Variants in LPIN1 observed in about 807,000 individuals in gnomAD.
LPIN1 encodes the protein lipin 1, also known as phosphatidate phosphatase LPIN1.
LPIN1 carries 71 observed loss-of-function variants against 107.5 expected under a neutral mutation model. That is an observed-to-expected ratio of 0.66 (90% CI 0.55 to 0.80). The LOEUF (loss-of-function observed/expected upper bound fraction) is 0.80, where lower values mean the gene tolerates loss of function less well. Among genes scored for constraint, LPIN1 ranks in the 30% least tolerant of loss-of-function variants. The pLI is 0.00. For missense variants in LPIN1, 1,043 were observed against 1,160.6 expected, an observed-to-expected ratio of 0.90 and a Z score of 1.47; for synonymous variants, 445 against 452.6, an observed-to-expected ratio of 0.98 and a Z score of 0.21.
At chr2:11,772,392 C>T (rs1671996061) in intron 4 of LPIN1, among the ~76,000 whole-genome samples, 1 of 152,208 alleles carries the variant, frequency 6.6e-6, no homozygotes, top group South Asian at 2.1e-4. Flanking sequence ...TGCCAAACCT[C>T]CTTGGCTGAT....
intron 1 of LPIN1, among the ~76,000 whole-genome samples, chr2:11,764,451 C>A (rs1438088085): frequency 6.6e-6 from 1 of 152,188 alleles, no homozygotes; most frequent in Non-Finnish European, 1.5e-5. Context: ...CCCGCTAGTT[C>A]CTTGTATATT....
chr2:11,784,733 T>A (rs1674196673), intron 9 of LPIN1, 153 bp from the exon 10 acceptor site: 1 of 769,004 alleles, frequency 1.3e-6, no homozygotes, highest in African/African-American at 1.7e-5. Context: ...AATGTCTCTT[T>A]CCTTGTCGTG....
At chr2:11,681,886 C>T (rs1420399567) in intron 1 of LPIN1, among the ~76,000 whole-genome samples, 1 of 152,206 alleles carries the variant, frequency 6.6e-6, no homozygotes, top group Non-Finnish European at 1.5e-5. Context: ...CCTCTGGGGC[C>T]CCTTTCTACA....
Position 11,765,395 on chromosome 2 carries a change from G to A in LPIN1, c.-9-138G>A, listed in dbSNP as rs1670684554. ...CCCTGATGGGCTATGGGGGTGGATA[G>A]AACACATTCCGGAAATGAGAGGAGC... On this transcript the variant is annotated intron_variant, in intron 1 of 20. Transcript: ENST00000674199. This position sits in a 1 kb window ranked among gnomAD's most constrained non-coding sequence, Gnocchi z 4.4. 2.5e-6 allele frequency: 2 copies of A among 789,458 alleles called. No homozygotes were observed. The highest frequency in any genetic ancestry group is 4.1e-6 in the Non-Finnish European group (2 of 493,056). 48.9% of individuals were successfully genotyped at this position (789,458 alleles called of 1,614,324 possible). A position where few individuals can be genotyped will look rare whatever the true frequency, so the allele number is the denominator to read the frequency against.
chr2:11,743,488 C>A (rs1666573030), upstream of LPIN1, among the ~76,000 whole-genome samples: 1 of 152,172 alleles, frequency 6.6e-6, no homozygotes. This position sits in a 1 kb window ranked among gnomAD's most constrained non-coding sequence, Gnocchi z 4.7. Context: ...CTGTTCCCTG[C>A]CACCAAGGTA....
intron 1 of LPIN1, among the ~76,000 whole-genome samples, chr2:11,685,140 T>G (rs1208009425): frequency 3.3e-5 from 5 of 152,146 alleles, no homozygotes; most frequent in African/African-American, 1.2e-4. Flanking sequence ...AGGTGACATG[T>G]GAGCAAAGAC....
Position 11,782,460 on chromosome 2 carries a change from G to T in LPIN1, c.1217G>T (p.Ser406Ile). The T allele has an allele frequency of 2.5e-6, 4 of 1,614,192 alleles. No homozygotes were observed. The Middle Eastern group carries it at 4.9e-4, about 200-fold the overall frequency. Residue 406 changes from serine (S) to isoleucine (I), a missense_variant, in exon 8 of 21, where the codon AGT (serine) becomes ATT (isoleucine). By Grantham distance (142) the Ser-to-Ile change is moderately radical. Transcript: ENST00000674199. ...MIEELKPPSA[S>I]VVQTANKTDS... ...GAGGAGCTCAAACCCCCCTCTGCCA[G>T]TGTAGTCCAGACAGCAAACAAGACG...
intron 2 of LPIN1, among the ~76,000 whole-genome samples, chr2:11,717,187 A>G (rs7587266): frequency 0.7 from 107,112 of 152,004 alleles, 38,219 homozygotes; most frequent in Middle Eastern, 0.77. Context: ...CTGGCTCACA[A>G]TGAAGGCCGC....
intron 17 of LPIN1, among the ~76,000 whole-genome samples, chr2:11,811,917 G>A (rs759917261): frequency 4.6e-5 from 7 of 152,134 alleles, no homozygotes; most frequent in African/African-American, 7.2e-5. Flanking sequence ...CCCGGGAGGC[G>A]GAGGTAGCAG....
rs1671805058 is a variant in LPIN1 at position 11,771,342 on chromosome 2, C to T, written c.289-30C>T. The T allele has an allele frequency of 1.2e-6, 2 of 1,610,052 alleles. No individual in the cohort carries two copies. Among genetic ancestry groups the T allele is most frequent in the African/African-American group, 1.3e-5 (1 of 74,978 alleles). Reference sequence around the variant, plus strand: ...GCTTCTTATACCTGAATTAACGAGGCTCTTTTTAGAAAATGTGTTCTTTTC... The same window carrying T: ...GCTTCTTATACCTGAATTAACGAGGTTCTTTTTAGAAAATGTGTTCTTTTC... On this transcript the variant is annotated intron_variant, in intron 3 of 20. Transcript: ENST00000674199. The surrounding 1 kb of genome is among the most constrained non-coding windows in gnomAD (Gnocchi z 4.8).
At chr2:11,756,818 G>A (rs1172003633) in intron 1 of LPIN1, among the ~76,000 whole-genome samples, 1 of 152,164 alleles carries the variant, frequency 6.6e-6, no homozygotes, top group African/African-American at 2.4e-5. Flanking sequence ...TATCTGTTTG[G>A]TTCTAACATA....
chr2:11,752,625 G>A (rs2148582801), intron 1 of LPIN1, among the ~76,000 whole-genome samples: 1 of 150,602 alleles, frequency 6.6e-6, no homozygotes. Context: ...TAGAGACGGG[G>A]TTTCACCGTT....
intron 13 of LPIN1, 108 bp from the exon 14 acceptor site, chr2:11,795,300 G>A (rs1352435139): frequency 2.2e-6 from 2 of 898,706 alleles, no homozygotes; most frequent in Non-Finnish European, 3.7e-6. Context: ...TTGGGGAATG[G>A]TCTATCTTTA....
At chr2:11,717,281 A>G (rs1663810862) in intron 2 of LPIN1, among the ~76,000 whole-genome samples, 2 of 152,138 alleles carry the variant, frequency 1.3e-5, no homozygotes, top group Non-Finnish European at 2.9e-5. Flanking sequence ...GGTCTGGCTG[A>G]TTCTACAGAG....
intron 1 of LPIN1, among the ~76,000 whole-genome samples, chr2:11,689,349 C>A (rs1029545563): frequency 6.6e-6 from 1 of 152,146 alleles, no homozygotes; most frequent in Non-Finnish European, 1.5e-5. Context: ...CTACAATGGA[C>A]TTTTGAGGCT....
chr2:11,765,599 A>G lies in LPIN1; in HGVS notation c.58A>G (p.Lys20Glu). 6.2e-7 allele frequency: 1 copy of G among 1,614,126 alleles called. No individual in the cohort carries two copies. The highest frequency in any genetic ancestry group is 8.5e-7 in the Non-Finnish European group (1 of 1,180,004). The change falls in exon 2 of 21, where the codon AAG becomes GAG. Residue 20 changes from lysine to glutamate, a missense_variant. Lys to Glu is a moderately conservative substitution (Grantham distance 56). Coordinates refer to ENST00000674199, the MANE Select transcript of LPIN1 (RefSeq NM_001349206.2). This position sits in a 1 kb window ranked among gnomAD's most constrained non-coding sequence, Gnocchi z 4.4. ...QVFVTVKELY[K>E]GLNPATLSGC... is the part of the protein sequence containing the mutation. ...GTTTGTCACCGTGAAGGAGCTCTACAAGGGGCTGAATCCCGCCACACTCTC... is the reference window on the plus strand; with the variant it reads ...GTTTGTCACCGTGAAGGAGCTCTACGAGGGGCTGAATCCCGCCACACTCTC...
intron 8 of LPIN1, among the ~76,000 whole-genome samples, chr2:11,783,516 C>T (rs972985733): frequency 1.1e-4 from 16 of 152,118 alleles, no homozygotes; most frequent in Non-Finnish European, 1.5e-5. Context: ...TGGCCTCCAG[C>T]GAGGGGCCTC....
intron 1 of LPIN1, among the ~76,000 whole-genome samples, chr2:11,706,628 A>T (rs1335592177): frequency 6.6e-6 from 1 of 152,200 alleles, no homozygotes; most frequent in African/African-American, 2.4e-5. Flanking sequence ...GGTGCTCAAG[A>T]CCTACTCAAG....
chr2:11,764,865 T>G (rs1259901112), intron 1 of LPIN1, among the ~76,000 whole-genome samples: 3 of 152,214 alleles, frequency 2.0e-5, no homozygotes, highest in African/African-American at 7.2e-5. Flanking sequence ...CAGGTGGCAG[T>G]GGTCCTAAGG....
Sources: gnomAD v4.1 joint callset for allele counts (sites outside exome capture counted in the v4.1 genomes callset) on GRCh38, gnomAD v4.1.1 for gene constraint, Gnocchi (gnomAD v3.1) non-coding constraint, MANE v1.5 for transcripts, NCBI Gene and HGNC (gene_info 2026-07-23, HGNC 2026-07-21) for gene names.